The following SYNE1 variants were observed in gnomAD, a reference collection of about 807,000 sequenced individuals.
SYNE1 encodes the protein spectrin repeat containing nuclear envelope protein 1.
Under a neutral mutation model 1,111.0 loss-of-function variants are expected in SYNE1, and 616 were observed. The observed-to-expected ratio is 0.55, with a 90% CI of 0.52 to 0.59. SYNE1 has a LOEUF of 0.59. Among genes scored for constraint, SYNE1 ranks in the 20% least tolerant of loss-of-function variants. The pLI is 0.00. For synonymous variants in SYNE1, 3,855 were observed against 3,825.8 expected (o/e 1.01, Z -0.28); for missense variants, 10,006 against 10,417.0 (o/e 0.96, Z 1.72).
At chr6:152,380,083 C>T (rs1012983173) in intron 56 of SYNE1, among the ~76,000 whole-genome samples, 4 of 152,134 alleles carry the variant, frequency 2.6e-5, no homozygotes, top group African/African-American at 9.6e-5. Context: ...AACAAACCCC[C>T]AAACCTAGAA....
intron 85 of SYNE1, among the ~76,000 whole-genome samples, chr6:152,318,628 G>A (rs191667140): frequency 2.6e-4 from 40 of 152,242 alleles, no homozygotes; most frequent in African/African-American, 4.6e-4. Context: ...GTCCTTTGAC[G>A]CTCTTCTTTC....
At chr6:152,624,821 T>C (rs1456726912) in intron 3 of SYNE1, among the ~76,000 whole-genome samples, 1 of 152,190 alleles carries the variant, frequency 6.6e-6, no homozygotes, top group Non-Finnish European at 1.5e-5. Flanking sequence ...GCAATCTCTG[T>C]GTGTGCTTTA....
Position 152,331,691 on chromosome 6 carries a change from T to A in SYNE1, c.12994A>T (p.Ile4332Phe). 1 of 1,614,218 alleles carries A rather than the reference T, an allele frequency of 6.2e-7. No individual in the cohort carries two copies. Among genetic ancestry groups the A allele is most frequent in the Non-Finnish European group, 8.5e-7 (1 of 1,180,038 alleles). Residue 4332 changes from isoleucine to phenylalanine, a missense_variant, in exon 78 of 146, where the codon ATT becomes TTT. Coordinates refer to ENST00000367255, the MANE Select transcript of SYNE1 (RefSeq NM_182961.4). ...EQRWFQLEDL[I>F]KRKIQVSVTN... ...ACTGACACTTGGATTTTCCTTTTAA[T>A]GAGGTCCTCAAGCTGAAACCAACGT... is the stretch of plus-strand genomic sequence containing the variant.
intron 63 of SYNE1, 94 bp from the exon 64 acceptor site, chr6:152,362,417 G>A: frequency 6.5e-7 from 1 of 1,535,832 alleles, no homozygotes; most frequent in Non-Finnish European, 8.9e-7. Flanking sequence ...CAGTAAGCAA[G>A]GGGTCAAGAG....
intron 104 of SYNE1, among the ~76,000 whole-genome samples, chr6:152,253,827 T>TTTTTTTTTTTG (rs2090091701): frequency 1.7e-5 from 1 of 57,564 alleles, no homozygotes; most frequent in Non-Finnish European, 2.9e-5. Context: ...GGTTTTTTTT[T>TTTTTTTTTTTG]TTTTTTTTTT....
chr6:152,500,770 A>T (rs2154323104), intron 10 of SYNE1, among the ~76,000 whole-genome samples: 1 of 152,192 alleles, frequency 6.6e-6, no homozygotes, highest in African/African-American at 2.4e-5. Flanking sequence ...TAACACAGTG[A>T]AACCCCGTCT....
In SYNE1 at chr6:152,605,006, A is replaced by AAG. The variant is rs1166561188; in HGVS notation, c.67+23257_67+23258dup. On this transcript the variant is annotated intron_variant, in intron 3 of 145. Coordinates refer to ENST00000367255, the MANE Select transcript of SYNE1 (RefSeq NM_182961.4). ...AAAGAAAGAAAGAAAGAAAGAAAGA[A>AAG]AGAGAGAGAGAGAGAGAGAGAGAGA... Among the ~76,000 whole-genome samples the AAG allele has an allele frequency of 3.2e-3, 81 of 25,570 alleles. 1 individual carries two copies. The highest frequency in any genetic ancestry group is 4.4e-3 in the African/African-American group (23 of 5,214). The allele number at this position is 25,570 out of a possible 152,430, so 16.8% of individuals were successfully genotyped here.
intron 4 of SYNE1, among the ~76,000 whole-genome samples, chr6:152,536,349 A>G (rs1351233789): frequency 3.1e-5 from 4 of 127,206 alleles, no homozygotes; most frequent in African/African-American, 1.1e-4. Flanking sequence ...ATATAACTAT[A>G]TATATAGTAT....
chr6:152,397,104 A>T, intron 49 of SYNE1, 124 bp from the exon 50 acceptor site: 1 of 930,856 alleles, frequency 1.1e-6, no homozygotes, highest in South Asian at 1.4e-5. Context: ...CTGGAGTAAA[A>T]ATGATGCATA....
chr6:152,276,664 C>T (rs1441448470), intron 98 of SYNE1, among the ~76,000 whole-genome samples: 1 of 152,142 alleles, frequency 6.6e-6, no homozygotes, highest in Middle Eastern at 3.2e-3. Context: ...TCCCTCCCTC[C>T]TCATTTTACT....
chr6:152,504,161 G>A (rs1420578641), intron 9 of SYNE1, among the ~76,000 whole-genome samples: 4 of 152,244 alleles, frequency 2.6e-5, no homozygotes, highest in Admixed American at 1.3e-4. Flanking sequence ...CTCTGAAGTC[G>A]ATGGCTGGAA....
In SYNE1 at chr6:152,321,789, C is replaced by A. The variant is rs1459705949; in HGVS notation, c.16015G>T (p.Val5339Phe). The A allele has an allele frequency of 6.2e-7, 1 of 1,613,966 alleles. No homozygotes were observed. The highest frequency in any genetic ancestry group is 2.2e-5 in the East Asian group (1 of 44,838). Reference sequence around the variant, plus strand: ...CCTAAATATTCTTTCGTTTCCTGAACCCAACATTTCACAGAATTGATCTGA... The same window carrying A: ...CCTAAATATTCTTTCGTTTCCTGAAACCAACATTTCACAGAATTGATCTGA... ...ETQINSVKCW[V>F]QETKEYLGNP... Residue 5339 changes from valine (V) to phenylalanine (F), a missense_variant, in exon 83 of 146, where the codon GTT becomes TTT. Transcript: ENST00000367255.
chr6:152,313,290 A>G (rs2095607372), intron 87 of SYNE1, among the ~76,000 whole-genome samples: 1 of 152,128 alleles, frequency 6.6e-6, no homozygotes, highest in Non-Finnish European at 1.5e-5. Context: ...GGGTATCTTC[A>G]GTTAGCATTA....
chr6:152,484,893 C>A lies in SYNE1; in HGVS notation c.1127G>T (p.Gly376Val). ...CAATGCTTGGTCAAGTGACAATTTA[C>A]CGTCTCTGTGTAATGGTTGTATTAA... ...EHLIQPLHRD[G>V]KLSLDQALVK... Residue 376 changes from glycine (G) to valine (V), a missense_variant, in exon 13 of 146, where the codon GGT (glycine) becomes GTT (valine). By Grantham distance (109) the Gly-to-Val change is moderately radical. Transcript: ENST00000367255. The A allele has an allele frequency of 6.2e-7, 1 of 1,613,848 alleles. No homozygotes were observed.
intron 143 of SYNE1, among the ~76,000 whole-genome samples, chr6:152,132,735 C>T (rs1293312486): frequency 6.6e-6 from 1 of 152,138 alleles, no homozygotes; most frequent in Non-Finnish European, 1.5e-5. Context: ...CAGGATTTCA[C>T]AGCAGAATGG....
chr6:152,298,897 CT>C (rs1247283273), intron 93 of SYNE1, among the ~76,000 whole-genome samples: 1 of 152,132 alleles, frequency 6.6e-6, no homozygotes, highest in African/African-American at 2.4e-5. Context: ...GTGTCTTAAT[CT>C]AAGTAAAGGC....
chr6:152,313,328 T>A (rs1018222509), intron 87 of SYNE1, among the ~76,000 whole-genome samples: 1 of 152,174 alleles, frequency 6.6e-6, no homozygotes, highest in African/African-American at 2.4e-5. Context: ...AATTATTCTG[T>A]GACTAAGAAT....
At chr6:152,632,993 C>T (rs1053520471) in intron 2 of SYNE1, among the ~76,000 whole-genome samples, 7 of 152,148 alleles carry the variant, frequency 4.6e-5, no homozygotes, top group Non-Finnish European at 1.0e-4. Flanking sequence ...GCTAAAACAA[C>T]GACTGGTGCA....
chr6:152,209,683 G>A (rs1278850833), intron 124 of SYNE1, among the ~76,000 whole-genome samples: 1 of 151,872 alleles, frequency 6.6e-6, no homozygotes, highest in Non-Finnish European at 1.5e-5. Flanking sequence ...CCAGAAGGTG[G>A]AGGTTGCAGT....
Sources: gnomAD v4.1 joint callset for allele counts (sites outside exome capture counted in the v4.1 genomes callset) on GRCh38, gnomAD v4.1.1 for gene constraint, MANE v1.5 for transcripts, NCBI Gene and HGNC (gene_info 2026-07-23, HGNC 2026-07-21) for gene names.